Variants in SESTD1 observed in about 807,000 individuals in gnomAD.
SESTD1 encodes SEC14 and spectrin domain containing 1.
Under a neutral mutation model 101.7 loss-of-function variants are expected in SESTD1, and 43 were observed. The observed-to-expected ratio is 0.42, with a 90% CI of 0.33 to 0.55. SESTD1 has a LOEUF of 0.55. SESTD1 is among the 20% of genes least tolerant of loss of function. The pLI, the probability that SESTD1 is intolerant of heterozygous loss-of-function variation, is 0.07. For missense variants in SESTD1, 647 were observed against 815.1 expected, an observed-to-expected ratio of 0.79 and a Z score of 2.51; for synonymous variants, 283 against 286.8, an observed-to-expected ratio of 0.99 and a Z score of 0.13.
intron 3 of SESTD1, among the ~76,000 whole-genome samples, chr2:179,176,879 C>A (rs1470907673): frequency 1.3e-5 from 2 of 152,218 alleles, no homozygotes; most frequent in Non-Finnish European, 2.9e-5. Flanking sequence ...AATGGGATCA[C>A]AGTGAAGTAA....
At chr2:179,137,459 T>A (rs140527779) in intron 9 of SESTD1, among the ~76,000 whole-genome samples, 1 of 152,316 alleles carries the variant, frequency 6.6e-6, no homozygotes, top group East Asian at 1.9e-4. Context: ...CTATTTGGCA[T>A]CTATGATTCC....
At chr2:179,133,223 T>C (rs947983054) in intron 9 of SESTD1, among the ~76,000 whole-genome samples, 1 of 152,086 alleles carries the variant, frequency 6.6e-6, no homozygotes, top group Non-Finnish European at 1.5e-5. Context: ...GGAGACACTC[T>C]GGCATCAAAA....
At chr2:179,219,536 G>A (rs183257704) in intron 1 of SESTD1, among the ~76,000 whole-genome samples, 12 of 152,296 alleles carry the variant, frequency 7.9e-5, no homozygotes, top group African/African-American at 2.4e-4. Flanking sequence ...TCCTTAAGTT[G>A]AGATTAGAAA....
chr2:179,166,391 C>A (rs549986988), intron 5 of SESTD1, among the ~76,000 whole-genome samples: 4 of 152,072 alleles, frequency 2.6e-5, no homozygotes, highest in African/African-American at 9.7e-5. Flanking sequence ...TAGAGTGCTG[C>A]GGAAAGGACT....
At position 179,103,461 on chromosome 2, in the gene SESTD1, T is replaced by A. The variant is rs1436481712; in HGVS notation, c.*6438A>T. On this transcript the variant is annotated 3_prime_UTR_variant, in exon 18 of 18. Transcript: ENST00000428443. ...AATTTACTGCAAAGAAATGAAAACCTATGTTCACAAAGACTTACGTAAGAA... is the reference window on the plus strand; with the variant it reads ...AATTTACTGCAAAGAAATGAAAACCAATGTTCACAAAGACTTACGTAAGAA... 2.6e-5 allele frequency: 4 copies of A among 152,108 alleles called. No individual in the cohort carries two copies. Among genetic ancestry groups the A allele is most frequent in the Non-Finnish European group, 4.4e-5 (3 of 68,020 alleles). 9.4% of individuals were successfully genotyped at this position (152,108 alleles called of 1,614,324 possible).
rs1001656174 is a variant in SESTD1 at position 179,185,436 on chromosome 2, G to A, written c.56-2248C>T. 2.1e-5 allele frequency among the ~76,000 whole-genome samples: 3 copies of A among 141,360 alleles called. No individual in the cohort carries two copies. The East Asian group carries it at 6.2e-4, about 29-fold the overall frequency. 92.7% of individuals were successfully genotyped at this position (141,360 alleles called of 152,430 possible). A position where few individuals can be genotyped will look rare whatever the true frequency, so the allele number is the denominator to read the frequency against. ...TATATAATATAGTATATTCTATATT[G>A]TATAATAGTAATATATAGTATATGA... On this transcript the variant is annotated intron_variant, in intron 2 of 17. Transcript: ENST00000428443.
chr2:179,222,733 T>C lies in SESTD1; in HGVS notation c.-25-30867A>G, dbSNP rs1388748869. Among the ~76,000 whole-genome samples the C allele has an allele frequency of 3.9e-5, 6 of 152,152 alleles. No individual in the cohort carries two copies. The East Asian group carries it at 1.2e-3, about 29-fold the overall frequency. On this transcript the variant is annotated intron_variant, in intron 1 of 17. Coordinates refer to ENST00000428443, the MANE Select transcript of SESTD1 (RefSeq NM_178123.5). ...CAGATTTATAAATCATAAGAGATCA[T>C]TTAGTCTAACCTTTCCATGTTGTAG...
chr2:179,130,523 C>T (rs768246548), intron 10 of SESTD1, among the ~76,000 whole-genome samples: 137 of 152,014 alleles, frequency 9.0e-4, no homozygotes, highest in Non-Finnish European at 3.1e-4. Flanking sequence ...CCATACTATA[C>T]GCAATATGAA....
chr2:179,177,785 G>T (rs2046036583), intron 3 of SESTD1, among the ~76,000 whole-genome samples: 1 of 152,138 alleles, frequency 6.6e-6, no homozygotes, highest in Non-Finnish European at 1.5e-5. Flanking sequence ...CTGAAGAGTA[G>T]AAACAATCCA....
In SESTD1 at chr2:179,124,363, C is replaced by T; in HGVS notation, c.1167+1G>A. ...AGAAAAGAATCAGAATAGACACTTACATCTTGGGCAACACCATGAAATTCA... is the reference window on the plus strand; with the variant it reads ...AGAAAAGAATCAGAATAGACACTTATATCTTGGGCAACACCATGAAATTCA... On this transcript the variant is annotated splice_donor_variant, in intron 11 of 17. Transcript: ENST00000428443. LOFTEE classifies it high-confidence loss of function. 1 of 1,613,306 alleles carries T rather than the reference C, an allele frequency of 6.2e-7. No individual in the cohort carries two copies. The highest frequency in any genetic ancestry group is 1.1e-5 in the South Asian group (1 of 90,998).
In SESTD1 at chr2:179,203,133, A is replaced by G. The variant is rs1217330309; in HGVS notation, c.-25-11267T>C. On this transcript the variant is annotated intron_variant, in intron 1 of 17. Coordinates refer to ENST00000428443, the MANE Select transcript of SESTD1 (RefSeq NM_178123.5). Reference sequence around the variant, plus strand: ...TTCTGACAGATGGTTAATCACAAACAACCTGCAGGCACAATGACCTTTTTC... The same window carrying G: ...TTCTGACAGATGGTTAATCACAAACGACCTGCAGGCACAATGACCTTTTTC... Among the ~76,000 whole-genome samples, 10 of 134,686 alleles carry G rather than the reference A, an allele frequency of 7.4e-5. 2 individuals carry two copies. The highest frequency in any genetic ancestry group is 2.9e-4 in the African/African-American group (10 of 34,100). 88.4% of individuals were successfully genotyped at this position (134,686 alleles called of 152,430 possible). A position where few individuals can be genotyped will look rare whatever the true frequency, so the allele number is the denominator to read the frequency against.
At chr2:179,123,628 G>GTGTA (rs1161866850) in intron 12 of SESTD1, 87 bp downstream of exon 12, 3 of 812,750 alleles carry the variant, frequency 3.7e-6, no homozygotes, top group Non-Finnish European at 3.9e-6. Flanking sequence ...AATTAGTTCA[G>GTGTA]TGTAAGTTGA....
intron 3 of SESTD1, among the ~76,000 whole-genome samples, chr2:179,177,284 A>G (rs2046028217): frequency 6.6e-6 from 1 of 152,186 alleles, no homozygotes; most frequent in African/African-American, 2.4e-5. Context: ...CTACATACCT[A>G]TCATTATCAT....
chr2:179,102,210 G>A lies in SESTD1; in HGVS notation c.*7689C>T, dbSNP rs1050264058. On this transcript the variant is annotated 3_prime_UTR_variant, in exon 18 of 18. Transcript: ENST00000428443. ...CTTCTGTGCCAAGCCTGTGGGAAGG[G>A]ATTGTTGGGGTCACGGGAGAGGGAA... is the stretch of plus-strand genomic sequence containing the variant. 4 of 152,256 alleles carry A rather than the reference G, an allele frequency of 2.6e-5. No individual in the cohort carries two copies. In the East Asian group the frequency reaches 5.8e-4, roughly 22 times the overall value. The allele number at this position is 152,256 out of a possible 1,614,324, so 9.4% of individuals were successfully genotyped here. A position where few individuals can be genotyped will look rare whatever the true frequency, so the allele number is the denominator to read the frequency against.
At chr2:179,167,433 G>T (rs2045854301) in intron 5 of SESTD1, among the ~76,000 whole-genome samples, 1 of 152,016 alleles carries the variant, frequency 6.6e-6, no homozygotes, top group Non-Finnish European at 1.5e-5. Flanking sequence ...GAGTTCCAGA[G>T]GAAACAGAAA....
chr2:179,111,941 C>G (rs1227832515), intron 17 of SESTD1, among the ~76,000 whole-genome samples: 1 of 152,036 alleles, frequency 6.6e-6, no homozygotes, highest in African/African-American at 2.4e-5. Context: ...GGATGGTCTC[C>G]ATCTCCTGAC....
chr2:179,243,280 G>C lies in SESTD1; in HGVS notation c.-26+21219C>G, dbSNP rs548235940. ...TGACAGATGCTGGCAAGGCTGCAGAGAAAGGGAAACATTTATATACTGTTA... is the reference window on the plus strand; with the variant it reads ...TGACAGATGCTGGCAAGGCTGCAGACAAAGGGAAACATTTATATACTGTTA... On this transcript the variant is annotated intron_variant, in intron 1 of 17. Transcript: ENST00000428443. Among the ~76,000 whole-genome samples, 9 of 152,316 alleles carry C rather than the reference G, an allele frequency of 5.9e-5. No individual in the cohort carries two copies. The South Asian group carries it at 1.9e-3, about 32-fold the overall frequency.
chr2:179,114,657 T>C (rs1179894445), intron 16 of SESTD1, among the ~76,000 whole-genome samples: 1 of 152,242 alleles, frequency 6.6e-6, no homozygotes, highest in Non-Finnish European at 1.5e-5. Flanking sequence ...GTCCCGACTT[T>C]ATAAAATCAC....
chr2:179,185,472 ATTAC>A (rs1319989934), intron 2 of SESTD1, among the ~76,000 whole-genome samples: 2 of 142,320 alleles, frequency 1.4e-5, no homozygotes, highest in African/African-American at 2.6e-5. Flanking sequence ...TATACTATAT[ATTAC>A]TTATCATATA....
Sources: allele counts gnomAD v4.1 joint callset (sites outside exome capture counted in the v4.1 genomes callset), GRCh38; gene constraint gnomAD v4.1.1; transcripts MANE v1.5; gene names NCBI Gene and HGNC (gene_info 2026-07-23, HGNC 2026-07-21).